Variants in CRYBG3 observed in about 807,000 individuals in gnomAD.
CRYBG3 encodes the protein crystallin beta-gamma domain containing 3, also known as very large A-kinase anchor protein.
In CRYBG3, 127 loss-of-function variants were observed where a neutral mutation model predicts 244.2. The observed-to-expected ratio is 0.52, with a 90% CI of 0.45 to 0.60. The LOEUF (loss-of-function observed/expected upper bound fraction) is 0.60. CRYBG3 is among the 20% of genes least tolerant of loss of function. The pLI, the probability that CRYBG3 is intolerant of heterozygous loss-of-function variation, is 0.00. For synonymous variants in CRYBG3, 1,132 were observed against 1,195.8 expected (o/e 0.95, Z 1.10); for missense variants, 3,325 against 3,442.5 (o/e 0.97, Z 0.85).
At chr3:97,929,578 C>T (rs2107092574) in intron 17 of CRYBG3, among the ~76,000 whole-genome samples, 1 of 151,892 alleles carries the variant, frequency 6.6e-6, no homozygotes, top group South Asian at 2.1e-4. Flanking sequence ...AAAATCAAAG[C>T]TTCAAAAACA....
chr3:97,840,955 T>TA (rs968510144), intron 1 of CRYBG3, among the ~76,000 whole-genome samples: 5 of 151,844 alleles, frequency 3.3e-5, no homozygotes, highest in South Asian at 2.1e-4. Context: ...ACGTTTACTT[T>TA]AAAAAAAACT....
At chr3:97,834,410 A>C (rs2038700603) in intron 1 of CRYBG3, among the ~76,000 whole-genome samples, 1 of 152,162 alleles carries the variant, frequency 6.6e-6, no homozygotes, top group African/African-American at 2.4e-5. Context: ...AATTTTTAGA[A>C]GATATAGTAG....
chr3:97,896,494 G>A (rs1178963650), intron 12 of CRYBG3, among the ~76,000 whole-genome samples: 1 of 151,994 alleles, frequency 6.6e-6, no homozygotes, highest in African/African-American at 2.4e-5. Context: ...GAATAGAGAG[G>A]GCTTCATGGA....
intron 2 of CRYBG3, among the ~76,000 whole-genome samples, chr3:97,855,575 A>T (rs1351501691): frequency 2.6e-5 from 4 of 152,080 alleles, no homozygotes; most frequent in African/African-American, 9.7e-5. Flanking sequence ...TAGCTTGTAT[A>T]TGTCCAGGTA....
rs1228266629 is a variant in CRYBG3 at position 97,874,173 on chromosome 3, T to A, written c.2979T>A (p.Ile993=). The A allele has an allele frequency of 6.5e-7, 1 of 1,529,632 alleles. No individual in the cohort carries two copies. Among genetic ancestry groups the A allele is most frequent in the Non-Finnish European group, 8.7e-7 (1 of 1,145,300 alleles). 94.8% of individuals were successfully genotyped at this position (1,529,632 alleles called of 1,614,324 possible). A position where few individuals can be genotyped will look rare whatever the true frequency, so the allele number is the denominator to read the frequency against. ...SEMAELSLTN[I]SPKFQETGSM... ...TGGCGGAACTCAGCTTAACTAATAT[T>A]TCCCCTAAATTCCAAGAAACTGGCA... The change falls in exon 4 of 22, where the codon ATT becomes ATA. Residue 993 remains isoleucine, a synonymous_variant. Transcript: ENST00000389622.
intron 1 of CRYBG3, among the ~76,000 whole-genome samples, chr3:97,826,549 T>C (rs1024018544): frequency 6.6e-6 from 1 of 152,152 alleles, no homozygotes; most frequent in African/African-American, 2.4e-5. Context: ...ATAAGAAACG[T>C]TAGTTACCAA....
At chr3:97,822,399 C>A (rs750436823) in intron 1 of CRYBG3, 44 bp downstream of exon 1, 147 of 1,416,492 alleles carry the variant, frequency 1.0e-4, no homozygotes, top group Non-Finnish European at 1.3e-5. Context: ...TGCACATATT[C>A]GCGGGATGAA....
At chr3:97,841,499 C>A (rs1226769497) in intron 1 of CRYBG3, among the ~76,000 whole-genome samples, 2 of 151,504 alleles carry the variant, frequency 1.3e-5, no homozygotes, top group African/African-American at 4.9e-5. Context: ...TTTTTTGTTT[C>A]CATTTTTTGA....
chr3:97,848,928 C>T (rs2038942752), intron 2 of CRYBG3, among the ~76,000 whole-genome samples: 1 of 152,234 alleles, frequency 6.6e-6, no homozygotes, highest in Non-Finnish European at 1.5e-5. Context: ...TGGAGCTTCA[C>T]AGTCAGCCAC....
At chr3:97,868,897 A>G (rs932914900) in intron 3 of CRYBG3, among the ~76,000 whole-genome samples, 2 of 152,142 alleles carry the variant, frequency 1.3e-5, no homozygotes, top group African/African-American at 2.4e-5. Flanking sequence ...TCCACTGACC[A>G]TGAACATTTC....
Sources: allele counts gnomAD v4.1 joint callset (sites outside exome capture counted in the v4.1 genomes callset), GRCh38; gene constraint gnomAD v4.1.1; transcripts MANE v1.5; gene names NCBI Gene and HGNC (gene_info 2026-07-23, HGNC 2026-07-21).